The following AK9 variants were observed in gnomAD, a reference collection of about 807,000 sequenced individuals.
The protein encoded by AK9 is adenylate kinase 9.
AK9 carries 191 observed loss-of-function variants against 239.6 expected under a neutral mutation model. That is an observed-to-expected ratio of 0.80 (90% CI 0.71 to 0.90). AK9 has a LOEUF of 0.90. Ranked by LOEUF, AK9 falls within the 40% of genes least tolerant of loss-of-function variation. The pLI is 0.00. For missense variants in AK9, 1,995 were observed against 2,214.7 expected (o/e 0.90, Z 1.99); for synonymous variants, 689 against 721.0 (o/e 0.96, Z 0.71).
At chr6:109,604,468 C>A (rs1023299658) in intron 17 of AK9, among the ~76,000 whole-genome samples, 2 of 152,146 alleles carry the variant, frequency 1.3e-5, no homozygotes, top group Non-Finnish European at 2.9e-5. Flanking sequence ...ATCTTATCAA[C>A]ACCATTAAAT....
chr6:109,520,954 T>G (rs1315816531), intron 29 of AK9, among the ~76,000 whole-genome samples: 4 of 152,150 alleles, frequency 2.6e-5, no homozygotes, highest in Non-Finnish European at 5.9e-5. Flanking sequence ...TTGATTTTTG[T>G]ATCCTGAAAT....
At chr6:109,605,889 AT>A (rs1372315797) in intron 17 of AK9, among the ~76,000 whole-genome samples, 1 of 152,116 alleles carries the variant, frequency 6.6e-6, no homozygotes, top group Non-Finnish European at 1.5e-5. Flanking sequence ...AGGATTTCAT[AT>A]TCCAAAGAAT....
At chr6:109,610,231 A>C (rs1428220267) in intron 17 of AK9, 134 bp downstream of exon 17, 2 of 1,136,798 alleles carry the variant, frequency 1.8e-6, no homozygotes, top group Non-Finnish European at 2.5e-6. Flanking sequence ...AATGCTGACT[A>C]CAAAATGTAC....
chr6:109,607,900 CAT>C (rs1184212009), intron 17 of AK9, among the ~76,000 whole-genome samples: 1 of 151,564 alleles, frequency 6.6e-6, no homozygotes, highest in Non-Finnish European at 1.5e-5. Flanking sequence ...GAAAACATAA[CAT>C]ATGATACAGA....
Position 109,564,773 on chromosome 6 carries a change from T to G in AK9, c.2417A>C (p.Glu806Ala). Residue 806 changes from glutamate (E) to alanine (A), a missense_variant, in exon 22 of 41, where the codon GAA becomes GCA. Physicochemically the swap from Glu to Ala is moderately radical, Grantham distance 107. Around this residue, in one of 5 missense-constraint regions of AK9, gnomAD observed 1,290 missense variants for 1,392.7 expected, o/e 0.93. Transcript: ENST00000424296. ...PKGSKEGLEIEKLSETVVLPE... is the reference protein window; with the variant it reads ...PKGSKEGLEIAKLSETVVLPE... ...AGTCTAACCTGTTTCAGATAATTTT[T>G]CAATTTCCAGGCCCTCTTTGGATCC... The G allele has an allele frequency of 1.3e-6, 2 of 1,545,264 alleles. No individual in the cohort carries two copies. The highest frequency in any genetic ancestry group is 1.7e-6 in the Non-Finnish European group (2 of 1,143,678).
chr6:109,563,629 C>A lies in AK9; in HGVS notation c.2719G>T (p.Asp907Tyr). ...TCTTCCTCTTCCTCTAGCTCCTCAT[C>A]AACCTCTGCTTCAGTCTGGTAGTCT... ...TEDYQTEAEV[D>Y]EELEEEEEEE... The change falls in exon 24 of 41, where the codon GAT becomes TAT. Residue 907 changes from aspartate (D) to tyrosine (Y), a missense_variant. By Grantham distance (160) the Asp-to-Tyr change is radical (BLOSUM62 -3). Coordinates refer to ENST00000424296, the MANE Select transcript of AK9 (RefSeq NM_001145128.3). 6.4e-7 allele frequency: 1 copy of A among 1,551,228 alleles called. No homozygotes were observed. Among genetic ancestry groups the A allele is most frequent in the East Asian group, 2.4e-5 (1 of 40,914 alleles).
intron 27 of AK9, among the ~76,000 whole-genome samples, chr6:109,536,601 C>A (rs966727066): frequency 6.6e-6 from 1 of 152,158 alleles, no homozygotes. Context: ...TTATTTCTTT[C>A]TCCTGCCTGA....
Position 109,499,141 on chromosome 6 carries a change from G to T in AK9, c.4949C>A (p.Ser1650Tyr). Residue 1650 changes from serine (S) to tyrosine (Y), a missense_variant, in exon 36 of 41, where the codon TCC becomes TAC. Ser to Tyr is a moderately radical substitution (Grantham distance 144). Around this residue, in one of 5 missense-constraint regions of AK9, gnomAD observed 391 missense variants for 456.0 expected, o/e 0.86. Transcript: ENST00000424296. ...TGCAGAGCAATCAAATAATTCCTGG[G>T]ATTCTGCCAGGCTGACAGGGCAGAA... ...EQFCPVSLAE[S>Y]QELFDCSATD... 1 of 1,610,320 alleles carries T rather than the reference G, an allele frequency of 6.2e-7. No homozygotes were observed. Among genetic ancestry groups the T allele is most frequent in the Non-Finnish European group, 8.5e-7 (1 of 1,178,240 alleles).
intron 12 of AK9, among the ~76,000 whole-genome samples, chr6:109,621,893 T>TA (rs59405869): frequency 1.8e-3 from 99 of 55,388 alleles, no homozygotes; most frequent in East Asian, 2.1e-3. Context: ...AAAGTATAAT[T>TA]AAAAAAAAAA....
At chr6:109,601,326 C>T (rs949718175) in intron 17 of AK9, among the ~76,000 whole-genome samples, 6 of 152,122 alleles carry the variant, frequency 3.9e-5, no homozygotes, top group East Asian at 1.9e-4. Flanking sequence ...GCTTTCATTT[C>T]GTTATGTACC....
In AK9 at chr6:109,610,678, T is replaced by C. The variant is rs1224296139; in HGVS notation, c.1694-165A>G. On this transcript the variant is annotated intron_variant, in intron 16 of 40. Transcript: ENST00000424296. ...GAAATAAGACTCTGGAGAGGAAATG[T>C]TAGGTCAGGAATCACAGCACCGCAA... Among the ~76,000 whole-genome samples, 4 of 152,016 alleles carry C rather than the reference T, an allele frequency of 2.6e-5. No homozygotes were observed. In the East Asian group the frequency reaches 7.7e-4, roughly 29 times the overall value.
At chr6:109,625,212 A>G (rs897246922) in intron 12 of AK9, among the ~76,000 whole-genome samples, 2 of 152,218 alleles carry the variant, frequency 1.3e-5, no homozygotes, top group Non-Finnish European at 2.9e-5. Context: ...TCAGAAGGCC[A>G]GAAGTGTCTT....
intron 22 of AK9, 57 bp downstream of exon 22, chr6:109,564,699 G>C: frequency 7.3e-7 from 1 of 1,363,344 alleles, no homozygotes; most frequent in South Asian, 1.4e-5. Flanking sequence ...GGGACCCTTT[G>C]TAAGAAAATA....
At chr6:109,650,436 T>TGTCTCAAAATG (rs1798757767) in intron 8 of AK9, among the ~76,000 whole-genome samples, 1 of 151,398 alleles carries the variant, frequency 6.6e-6, no homozygotes, top group Non-Finnish European at 1.5e-5. Context: ...GAACAGACAC[T>TGTCTCAAAATG]TCTCAAAAGA....
At chr6:109,686,576 C>T (rs1300246997) in intron 1 of AK9, among the ~76,000 whole-genome samples, 1 of 152,162 alleles carries the variant, frequency 6.6e-6, no homozygotes, top group Non-Finnish European at 1.5e-5. Flanking sequence ...GCTTCCTGGG[C>T]CATACATCTG....
At chr6:109,546,301 T>C (rs911873896) in intron 25 of AK9, among the ~76,000 whole-genome samples, 174 bp from the exon 26 acceptor site, 5 of 152,194 alleles carry the variant, frequency 3.3e-5, no homozygotes, top group African/African-American at 1.2e-4. Context: ...TTAACATAAT[T>C]AGTTCCATCA....
intron 5 of AK9, among the ~76,000 whole-genome samples, chr6:109,670,237 A>G (rs1461266910): frequency 1.3e-5 from 2 of 152,232 alleles, no homozygotes; most frequent in Non-Finnish European, 2.9e-5. Context: ...CTATGAGGTA[A>G]TTAATGAAAT....
At chr6:109,497,620 T>C in intron 37 of AK9, 57 bp from the exon 38 acceptor site, 3 of 1,373,438 alleles carry the variant, frequency 2.2e-6, no homozygotes, top group South Asian at 2.5e-5. Context: ...TGCAGTCCTG[T>C]GTAAATAAAA....
intron 12 of AK9, among the ~76,000 whole-genome samples, chr6:109,624,660 T>G (rs1324100068): frequency 8.5e-5 from 13 of 152,176 alleles, no homozygotes; most frequent in African/African-American, 3.1e-4. Flanking sequence ...CCCATTGTCT[T>G]ATAATTTCAA....
Sources: gnomAD v4.1 joint callset for allele counts (sites outside exome capture counted in the v4.1 genomes callset) on GRCh38, gnomAD v4.1.1 for gene constraint, gnomAD v4.1.1 regional missense constraint, MANE v1.5 for transcripts, NCBI Gene and HGNC (gene_info 2026-07-23, HGNC 2026-07-21) for gene names.